The following PRPF19 variants were observed in gnomAD, a reference collection of about 807,000 sequenced individuals.
PRPF19 encodes the protein pre-mRNA processing factor 19.
PRPF19 carries 2 observed loss-of-function variants against 64.2 expected under a neutral mutation model. The ratio of observed to expected loss-of-function variants is 0.03; its 90% CI spans 0.01 to 0.10. PRPF19 has a LOEUF of 0.10. Among genes scored for constraint, PRPF19 ranks in the 10% least tolerant of loss-of-function variants. PRPF19 has a pLI of 1.00. For missense variants in PRPF19, 314 were observed against 650.0 expected (o/e 0.48, Z 5.62); for synonymous variants, 226 against 251.6 (o/e 0.90, Z 0.96).
chr11:60,906,399 T>G lies in PRPF19; in HGVS notation c.-17A>C, dbSNP rs1856047906. The G allele has an allele frequency of 1.9e-6, 3 of 1,572,146 alleles. No homozygotes were observed. The highest frequency in any genetic ancestry group is 2.6e-6 in the Non-Finnish European group (3 of 1,161,554). ...TAGGGACATGGCGCCGTCACCGTGC[T>G]CCGAGGCGCCACACGCCGGGCTCCG... On this transcript the variant is annotated 5_prime_UTR_variant, in exon 1 of 16. Coordinates refer to ENST00000227524, the MANE Select transcript of PRPF19 (RefSeq NM_014502.5).
rs1211377687 is a variant in PRPF19 at position 60,898,930 on chromosome 11, T to C, written c.986A>G (p.Tyr329Cys). Residue 329 changes from tyrosine (Y) to cysteine (C), a missense_variant and splice_region_variant, in exon 12 of 16, where the codon TAC becomes TGC. Around this residue, in one of 7 missense-constraint regions of PRPF19, gnomAD observed 175 missense variants for 342.9 expected, o/e 0.51. Transcript: ENST00000227524. This position sits in a 1 kb window ranked among gnomAD's most constrained non-coding sequence, Gnocchi z 4.6. Reference protein sequence around the residue: ...DYLLSSSDDQYWAFSDIQTGR... With the variant: ...DYLLSSSDDQCWAFSDIQTGR... Reference sequence around the variant, plus strand: ...TGTCTGGATGTCAGAGAAAGCCCAGTACTGGGGAAAAAAAAAGAGACAATG... The same window carrying C: ...TGTCTGGATGTCAGAGAAAGCCCAGCACTGGGGAAAAAAAAAGAGACAATG... 1.3e-6 allele frequency: 2 copies of C among 1,594,466 alleles called. No individual in the cohort carries two copies. Among genetic ancestry groups the C allele is most frequent in the East Asian group, 2.2e-5 (1 of 44,474 alleles).
intron 10 of PRPF19, 45 bp downstream of exon 10, chr11:60,900,537 C>T: frequency 7.0e-7 from 1 of 1,433,286 alleles, no homozygotes; most frequent in Middle Eastern, 2.1e-4. Flanking sequence ...GGACAAACAA[C>T]AGCCAAGGAA....
At chr11:60,904,012 G>A (rs762257789) in intron 1 of PRPF19, 151 bp from the exon 2 acceptor site, 2 of 866,278 alleles carry the variant, frequency 2.3e-6, no homozygotes, top group Non-Finnish European at 3.4e-6. Flanking sequence ...TTCTGTACTG[G>A]CCCCAGAATG....
intron 15 of PRPF19, among the ~76,000 whole-genome samples, chr11:60,896,104 C>T (rs1855917648): frequency 6.6e-6 from 1 of 152,004 alleles, no homozygotes; most frequent in African/African-American, 2.4e-5. Flanking sequence ...GGCAAGGTTG[C>T]CAAAAACCTT....
chr11:60,898,410 T>C lies in PRPF19; in HGVS notation c.1140+131A>G. 2 of 1,531,238 alleles carry C rather than the reference T, an allele frequency of 1.3e-6. No homozygotes were observed. Among genetic ancestry groups the C allele is most frequent in the East Asian group, 2.4e-5 (1 of 42,250 alleles). The allele number at this position is 1,531,238 out of a possible 1,614,324, so 94.9% of individuals were successfully genotyped here. A position where few individuals can be genotyped will look rare whatever the true frequency, so the allele number is the denominator to read the frequency against. On this transcript the variant is annotated intron_variant, in intron 13 of 15. Coordinates refer to ENST00000227524, the MANE Select transcript of PRPF19 (RefSeq NM_014502.5). The surrounding 1 kb of genome is among the most constrained non-coding windows in gnomAD (Gnocchi z 4.6). Reference sequence around the variant, plus strand: ...CAGCGGGACCCCCCAGACCACACCATCATATCACACACGCACAGCCAGTGT... The same window carrying C: ...CAGCGGGACCCCCCAGACCACACCACCATATCACACACGCACAGCCAGTGT...
At chr11:60,904,248 T>A (rs2134866537) in intron 1 of PRPF19, among the ~76,000 whole-genome samples, 1 of 152,354 alleles carries the variant, frequency 6.6e-6, no homozygotes, top group Admixed American at 6.5e-5. Flanking sequence ...GCCATTCAAA[T>A]CCCTGCCATC....
At chr11:60,893,172 A>T (rs1855881912) in intron 15 of PRPF19, among the ~76,000 whole-genome samples, 1 of 152,220 alleles carries the variant, frequency 6.6e-6, no homozygotes, top group African/African-American at 2.4e-5. Flanking sequence ...AGGTATAAAC[A>T]AATCTACTAC....
intron 15 of PRPF19, among the ~76,000 whole-genome samples, chr11:60,896,828 T>C (rs189852492): frequency 3.3e-5 from 5 of 152,066 alleles, no homozygotes; most frequent in African/African-American, 9.6e-5. Context: ...AAGTAAAAAA[T>C]AAAAATAAAA....
At chr11:60,899,330 T>C (rs995065299) in intron 10 of PRPF19, 26 bp from the exon 11 acceptor site, 8 of 1,595,338 alleles carry the variant, frequency 5.0e-6, no homozygotes, top group Non-Finnish European at 6.9e-6. Context: ...AGACAGAATA[T>C]CAGAGTCAGA....
rs1399470958 is a variant in PRPF19 at position 60,894,406 on chromosome 11, C to A, written c.1418-3143G>T. The stretch of plus-strand genomic sequence containing the variant: ...CCAGTAGAAGATTCCATCAAGAAAC[C>A]ACTTTCTTTGGTCATCCCTAAGAGC... On this transcript the variant is annotated intron_variant, in intron 15 of 15. Coordinates refer to ENST00000227524, the MANE Select transcript of PRPF19 (RefSeq NM_014502.5). Among the ~76,000 whole-genome samples, 3 of 152,022 alleles carry A rather than the reference C, an allele frequency of 2.0e-5. No individual in the cohort carries two copies. In the East Asian group the frequency reaches 5.8e-4, roughly 29 times the overall value.
At chr11:60,894,548 G>A (rs1372392902) in intron 15 of PRPF19, among the ~76,000 whole-genome samples, 1 of 152,114 alleles carries the variant, frequency 6.6e-6, no homozygotes, top group Non-Finnish European at 1.5e-5. Flanking sequence ...CTCCCTCCAT[G>A]GAAGTCCTCA....
At position 60,897,907 on chromosome 11, in the gene PRPF19, A is replaced by T. The variant is rs1285917347; in HGVS notation, c.1356T>A (p.Leu452=). 3.1e-6 allele frequency: 5 copies of T among 1,614,092 alleles called. No individual in the cohort carries two copies. Among genetic ancestry groups the T allele is most frequent in the African/African-American group, 1.3e-5 (1 of 74,946 alleles). Residue 452 remains leucine, a synonymous_variant, in exon 15 of 16, where the codon CTT becomes CTA. Transcript: ENST00000227524. ...TGTAGATCTGGACATCCGTGCCCCC[A>T]AGAGCCAGGTAGGTACCACTCTGGT... is the stretch of plus-strand genomic sequence containing the variant. ...IFDQSGTYLA[L]GGTDVQIYIC...
rs1327731735 is a variant in PRPF19 at position 60,900,697 on chromosome 11, G to A, written c.719-6C>T. Reference sequence around the variant, plus strand: ...GACATTTTTATCCGCCCCACCTGGAGAAGACCCAAAAAGACCAAACAATGA... The same window carrying A: ...GACATTTTTATCCGCCCCACCTGGAAAAGACCCAAAAAGACCAAACAATGA... On this transcript the variant is annotated splice_polypyrimidine_tract_variant and splice_region_variant and intron_variant, in intron 9 of 15. Coordinates refer to ENST00000227524, the MANE Select transcript of PRPF19 (RefSeq NM_014502.5). 1.9e-6 allele frequency: 3 copies of A among 1,559,796 alleles called. No individual in the cohort carries two copies. The highest frequency in any genetic ancestry group is 2.6e-6 in the Non-Finnish European group (3 of 1,150,728).
intron 3 of PRPF19, 34 bp downstream of exon 3, chr11:60,903,425 T>G: frequency 6.3e-7 from 1 of 1,582,708 alleles, no homozygotes; most frequent in Non-Finnish European, 8.7e-7. Context: ...TCTCTTCAAG[T>G]GGGGAAGATG....
intron 15 of PRPF19, among the ~76,000 whole-genome samples, chr11:60,893,728 G>A (rs1452683429): frequency 1.3e-5 from 2 of 152,184 alleles, no homozygotes; most frequent in Non-Finnish European, 2.9e-5. Flanking sequence ...GCCGAGGCAG[G>A]TGGATCGCTT....
intron 8 of PRPF19, 116 bp from the exon 9 acceptor site, chr11:60,901,045 C>T: frequency 8.3e-7 from 1 of 1,199,230 alleles, no homozygotes; most frequent in Non-Finnish European, 1.2e-6. Flanking sequence ...GCAAGAGTTA[C>T]TTCTATTCCT....
rs1277522393 is a variant in PRPF19 at position 60,898,422 on chromosome 11, C to G, written c.1140+119G>C. On this transcript the variant is annotated intron_variant, in intron 13 of 15. Coordinates refer to ENST00000227524, the MANE Select transcript of PRPF19 (RefSeq NM_014502.5). The surrounding 1 kb of genome is among the most constrained non-coding windows in gnomAD (Gnocchi z 4.6). ...CCAGACCACACCATCATATCACACA[C>G]GCACAGCCAGTGTCTCTCCACCTTC... 1 of 1,543,534 alleles carries G rather than the reference C, an allele frequency of 6.5e-7. No homozygotes were observed. The highest frequency in any genetic ancestry group is 1.4e-5 in the African/African-American group (1 of 73,370).
chr11:60,902,721 G>A lies in PRPF19; in HGVS notation c.388+19C>T. 1 of 1,614,214 alleles carries A rather than the reference G, an allele frequency of 6.2e-7. No homozygotes were observed. The highest frequency in any genetic ancestry group is 1.3e-5 in the African/African-American group (1 of 75,062). On this transcript the variant is annotated intron_variant, in intron 4 of 15. Transcript: ENST00000227524. The surrounding 1 kb of genome is among the most constrained non-coding windows in gnomAD (Gnocchi z 5.0). ...GCAGAACCAGCCCAGGGTGGGGGATGGCAGGGGAGAGGCTGCACCTTCTCG... is the reference window on the plus strand; with the variant it reads ...GCAGAACCAGCCCAGGGTGGGGGATAGCAGGGGAGAGGCTGCACCTTCTCG...
chr11:60,899,825 A>G (rs1221484276), intron 10 of PRPF19, among the ~76,000 whole-genome samples: 3 of 152,172 alleles, frequency 2.0e-5, no homozygotes, highest in Non-Finnish European at 4.4e-5. Context: ...GTCACTCACC[A>G]ATTTTTTGTT....
Sources: gnomAD v4.1 joint callset for allele counts (sites outside exome capture counted in the v4.1 genomes callset) on GRCh38, gnomAD v4.1.1 for gene constraint, gnomAD v4.1.1 regional missense constraint, Gnocchi (gnomAD v3.1) non-coding constraint, MANE v1.5 for transcripts, NCBI Gene and HGNC (gene_info 2026-07-23, HGNC 2026-07-21) for gene names.